The following MYBPC2 variants were observed in gnomAD, a reference collection of about 807,000 sequenced individuals.
MYBPC2 encodes the protein myosin-binding protein C, fast-type.
MYBPC2 carries 122 observed loss-of-function variants against 137.0 expected under a neutral mutation model. The observed-to-expected ratio is 0.89, with a 90% confidence interval of 0.77 to 1.03. The LOEUF (loss-of-function observed/expected upper bound fraction) is 1.03. Ranked by LOEUF, MYBPC2 falls within the 50% of genes least tolerant of loss-of-function variation. MYBPC2 has a pLI of 0.00. For missense variants in MYBPC2, 1,500 were observed against 1,534.4 expected, an observed-to-expected ratio of 0.98 and a Z score of 0.37; for synonymous variants, 626 against 612.3, an observed-to-expected ratio of 1.02 and a Z score of -0.33.
intron 23 of MYBPC2, among the ~76,000 whole-genome samples, chr19:50,459,685 AG>A (rs2039953722): frequency 2.3e-5 from 1 of 43,014 alleles, no homozygotes; most frequent in South Asian, 1.0e-3. Context: ...GGAGATGAGG[AG>A]GGGAGGGGGA....
intron 23 of MYBPC2, 26 bp downstream of exon 23, chr19:50,459,332 G>C: frequency 3.8e-6 from 6 of 1,577,144 alleles, no homozygotes; most frequent in Non-Finnish European, 4.3e-6. Flanking sequence ...AGGGCCCCTG[G>C]AGGCCGGGAG....
At chr19:50,448,169 G>A in intron 12 of MYBPC2, 56 bp from the exon 13 acceptor site, 5 of 1,544,820 alleles carry the variant, frequency 3.2e-6, no homozygotes, top group Non-Finnish European at 3.5e-6. Context: ...GTGCTCACAA[G>A]TGTCTGTGCA....
In MYBPC2 at chr19:50,440,965, G is replaced by C; in HGVS notation, c.658G>C (p.Gly220Arg). The C allele has an allele frequency of 6.2e-7, 1 of 1,613,812 alleles. No homozygotes were observed. The highest frequency in any genetic ancestry group is 8.5e-7 in the Non-Finnish European group (1 of 1,179,816). Residue 220 changes from glycine (G) to arginine (R), a missense_variant, in exon 8 of 28, where the codon GGG (glycine) becomes CGG (arginine). Transcript: ENST00000357701. ...CCCGGAGATTTGGGAGCTCCTGAAA[G>C]GGGCAAAGAAGAGCGAGTACGAGAA... ...IPPEIWELLK[G>R]AKKSEYEKIA...
rs1292335166 is a variant in MYBPC2, at chr19:50,459,104, C to A, written c.2596-7C>A. 6.4e-7 allele frequency: 1 copy of A among 1,556,850 alleles called. No individual in the cohort carries two copies. The highest frequency in any genetic ancestry group is 1.2e-5 in the South Asian group (1 of 84,726). On this transcript the variant is annotated splice_polypyrimidine_tract_variant and splice_region_variant and intron_variant, in intron 22 of 27. Coordinates refer to ENST00000357701, the MANE Select transcript of MYBPC2 (RefSeq NM_004533.4). The stretch of plus-strand genomic sequence containing the variant: ...TGACCCCACCCCGCCCCGCCCTCTC[C>A]CCGCAGGGAAAGCCCCGGCCCCAGG...
chr19:50,447,042 G>A (rs878963187), intron 12 of MYBPC2, among the ~76,000 whole-genome samples: 10 of 147,218 alleles, frequency 6.8e-5, no homozygotes, highest in Non-Finnish European at 1.2e-4. Context: ...TGCTGCCCCC[G>A]CCTGGCCCAG....
rs1601290611 is a variant in MYBPC2, at chr19:50,451,293, G to A, written c.1593G>A (p.Glu531=). 6.2e-7 allele frequency: 1 copy of A among 1,613,676 alleles called. No individual in the cohort carries two copies. The highest frequency in any genetic ancestry group is 8.5e-7 in the Non-Finnish European group (1 of 1,179,846). ...AKLNFLEIKV[E]YVPKQEPPKI... is the part of the protein sequence containing the mutation. ...TTTGTCTTGCAGAAATCAAGGTGGA[G>A]TACGTTCCCAAGCAAGGTGAGCACC... Residue 531 remains glutamate, a synonymous_variant, in exon 15 of 28, where the codon GAG becomes GAA. Transcript: ENST00000357701.
At position 50,448,334 on chromosome 19, in the gene MYBPC2, T is replaced by C; in HGVS notation, c.1416T>C (p.Tyr472=). The C allele has an allele frequency of 1.2e-6, 2 of 1,613,908 alleles. No individual in the cohort carries two copies. The highest frequency in any genetic ancestry group is 1.7e-6 in the Non-Finnish European group (2 of 1,179,814). ...ATGAGAAAGTGACGGGCAAGTGGTA[T>C]AAGAATGGGGTCGAGGTGCGGCCCA... ...VSDEKVTGKW[Y]KNGVEVRPSK... is the part of the protein sequence containing the mutation. The change falls in exon 13 of 28, where the codon TAT becomes TAC. Residue 472 remains tyrosine (Y), a synonymous_variant. Coordinates refer to ENST00000357701, the MANE Select transcript of MYBPC2 (RefSeq NM_004533.4).
At chr19:50,461,750 G>C (rs201049632) in intron 25 of MYBPC2, 49 bp downstream of exon 25, 5 of 1,606,468 alleles carry the variant, frequency 3.1e-6, no homozygotes, top group Middle Eastern at 3.3e-4. Context: ...CCACCCTCTC[G>C]CCCAGGTCCC....
chr19:50,433,056 G>A, intron 1 of MYBPC2, 84 bp downstream of exon 1: 14 of 1,451,802 alleles, frequency 9.6e-6, no homozygotes, highest in Non-Finnish European at 1.3e-5. Context: ...TTGTAGGGTT[G>A]GGAGAAGGAG....
intron 11 of MYBPC2, among the ~76,000 whole-genome samples, chr19:50,445,464 C>T (rs1408029576): frequency 2.0e-5 from 3 of 150,702 alleles, no homozygotes; most frequent in Non-Finnish European, 4.4e-5. Context: ...GTGATCTTGG[C>T]TCACCTCAAC....
At chr19:50,458,879 G>GC (rs745589000) in intron 21 of MYBPC2, 39 bp from the exon 22 acceptor site, 5 of 1,594,978 alleles carry the variant, frequency 3.1e-6, no homozygotes, top group Non-Finnish European at 2.6e-6. Context: ...ATGCGCCCCG[G>GC]CCCCCCGCTG....
rs376218268 is a variant in MYBPC2, at chr19:50,459,176, C to T, written c.2661C>T (p.His887=). The T allele has an allele frequency of 1.1e-5, 18 of 1,606,368 alleles. 1 individual carries two copies. The highest frequency in any genetic ancestry group is 7.8e-5 in the South Asian group (7 of 89,960). ...GGAPLDTSRV[H]VRTSDFDTVF... is the part of the protein sequence containing the mutation. ...CCCCGCTGGACACCTCCCGCGTGCA[C>T]GTGCGGACCAGCGACTTCGACACCG... The change falls in exon 23 of 28, where the codon CAC becomes CAT. Residue 887 remains histidine, a synonymous_variant. Coordinates refer to ENST00000357701, the MANE Select transcript of MYBPC2 (RefSeq NM_004533.4).
intron 25 of MYBPC2, 33 bp downstream of exon 25, chr19:50,461,734 C>T: frequency 3.1e-6 from 5 of 1,611,444 alleles, no homozygotes; most frequent in Non-Finnish European, 3.4e-6. Flanking sequence ...CCCAGGCCCA[C>T]CCCGTCCACC....
At chr19:50,463,999 G>A (rs150377606) in intron 26 of MYBPC2, among the ~76,000 whole-genome samples, 1 of 151,974 alleles carries the variant, frequency 6.6e-6, no homozygotes, top group African/African-American at 2.4e-5. Flanking sequence ...CCAGCGTCCT[G>A]AGGTGGGTGC....
Position 50,461,950 on chromosome 19 carries a change from C to T in MYBPC2, c.3142C>T (p.Pro1048Ser). 1 of 1,590,746 alleles carries T rather than the reference C, an allele frequency of 6.3e-7. No homozygotes were observed. Among genetic ancestry groups the T allele is most frequent in the South Asian group, 1.1e-5 (1 of 87,380 alleles). ...TAAGGAGCATGACTTCCGGATGGCT[C>T]CCAAGTTCCTGACACCTCTCATAGA... ...EYKEHDFRMA[P>S]KFLTPLIDRV... is the part of the protein sequence containing the mutation. Residue 1048 changes from proline (P) to serine (S), a missense_variant, in exon 26 of 28, where the codon CCC becomes TCC. Coordinates refer to ENST00000357701, the MANE Select transcript of MYBPC2 (RefSeq NM_004533.4).
chr19:50,450,993 G>T, intron 14 of MYBPC2, 58 bp downstream of exon 14: 1 of 1,467,872 alleles, frequency 6.8e-7, no homozygotes. Flanking sequence ...CGCAGACCCA[G>T]GGCCCGGGAT....
chr19:50,459,140 C>A lies in MYBPC2; in HGVS notation c.2625C>A (p.Thr875=). The A allele has an allele frequency of 6.3e-7, 1 of 1,583,582 alleles. No homozygotes were observed. The highest frequency in any genetic ancestry group is 8.6e-7 in the Non-Finnish European group (1 of 1,167,326). Residue 875 remains threonine (T), a synonymous_variant, in exon 23 of 28, where the codon ACC becomes ACA. Coordinates refer to ENST00000357701, the MANE Select transcript of MYBPC2 (RefSeq NM_004533.4). ...QGKPRPQVVW[T]KGGAPLDTSR... is the part of the protein sequence containing the mutation. ...AGCCCCGGCCCCAGGTGGTGTGGAC[C>A]AAGGGCGGGGCCCCGCTGGACACCT...
At chr19:50,441,480 C>T (rs535786815) in intron 8 of MYBPC2, among the ~76,000 whole-genome samples, 20 of 152,346 alleles carry the variant, frequency 1.3e-4, no homozygotes, top group Middle Eastern at 3.4e-3. Flanking sequence ...AGCCGTTGCT[C>T]TCTGTCTCTG....
chr19:50,433,296 A>G (rs987240387), intron 1 of MYBPC2, among the ~76,000 whole-genome samples: 3 of 151,740 alleles, frequency 2.0e-5, no homozygotes, highest in African/African-American at 7.3e-5. Context: ...TTGGGGGGGC[A>G]TCTCTGGTGG....
Sources: gnomAD v4.1 joint callset for allele counts (sites outside exome capture counted in the v4.1 genomes callset) on GRCh38, gnomAD v4.1.1 for gene constraint, MANE v1.5 for transcripts, NCBI Gene and HGNC (gene_info 2026-07-23, HGNC 2026-07-21) for gene names.